Variants in TTC23 observed in about 807,000 individuals in gnomAD.
TTC23 encodes the protein tetratricopeptide repeat protein 23.
A neutral mutation model predicts 55.1 loss-of-function variants in TTC23; 58 were observed. The ratio of observed to expected loss-of-function variants is 1.05; its 90% CI spans 0.85 to 1.31. The LOEUF (loss-of-function observed/expected upper bound fraction) is 1.31, where lower values mean the gene tolerates loss of function less well. Among genes scored for constraint, TTC23 ranks in the 50% most tolerant of loss-of-function variants. The pLI is 0.00. For missense variants in TTC23, 516 were observed against 534.4 expected, an observed-to-expected ratio of 0.97 and a Z score of 0.34; for synonymous variants, 203 against 199.9, an observed-to-expected ratio of 1.02 and a Z score of -0.13.
At chr15:99,158,995 G>A (rs73482311) in intron 11 of TTC23, 5,400 of 152,406 alleles carry the variant, frequency 0.035, 335 homozygotes, top group African/African-American at 0.12. Context: ...CAACATGGGC[G>A]GTATCTACCT....
chr15:99,155,103 C>G (rs377625218), intron 12 of TTC23, among the ~76,000 whole-genome samples: 47 of 152,020 alleles, frequency 3.1e-4, no homozygotes, highest in African/African-American at 1.1e-3. Flanking sequence ...AAGAATTAAG[C>G]AATTAGCAGG....
At chr15:99,189,220 G>C (rs930731908) in intron 9 of TTC23, among the ~76,000 whole-genome samples, 8 of 152,062 alleles carry the variant, frequency 5.3e-5, no homozygotes, top group Non-Finnish European at 1.2e-4. Flanking sequence ...TGTGAAAAGA[G>C]CAAACATACT....
chr15:99,181,771 A>G lies in TTC23; in HGVS notation c.760-6616T>C, dbSNP rs552385305. ...AGCTGGTGAACCTTGGCTAAGAAAA[A>G]GACGGAGCTGGGAATCCCTGGGGGA... On this transcript the variant is annotated intron_variant, in intron 9 of 13. Transcript: ENST00000394132. Among the ~76,000 whole-genome samples, 17 of 152,286 alleles carry G rather than the reference A, an allele frequency of 1.1e-4. No homozygotes were observed. In the South Asian group the frequency reaches 3.3e-3, roughly 30 times the overall value.
At chr15:99,228,162 G>A (rs1489440820) in intron 5 of TTC23, among the ~76,000 whole-genome samples, 2 of 152,238 alleles carry the variant, frequency 1.3e-5, no homozygotes, top group Admixed American at 1.3e-4. Flanking sequence ...TACTGAATGA[G>A]TTAGTGAATG....
chr15:99,233,391 T>C (rs1365604742), intron 4 of TTC23, among the ~76,000 whole-genome samples: 1 of 152,190 alleles, frequency 6.6e-6, no homozygotes, highest in Non-Finnish European at 1.5e-5. Context: ...AATGAGAATA[T>C]TGTGAACACC....
rs574275521 is a variant in TTC23 at position 99,166,234 on chromosome 15, A to G, written c.866-4367T>C. Among the ~76,000 whole-genome samples, 4 of 152,210 alleles carry G rather than the reference A, an allele frequency of 2.6e-5. No homozygotes were observed. In the East Asian group the frequency reaches 7.7e-4, roughly 29 times the overall value. On this transcript the variant is annotated intron_variant, in intron 10 of 13. Transcript: ENST00000394132. The stretch of plus-strand genomic sequence containing the variant: ...ACGGGTGGACACAGCCGCACCTCAC[A>G]TCTTTCTAGTCCTCTTCTTTGTAAT...
intron 6 of TTC23, among the ~76,000 whole-genome samples, chr15:99,219,688 G>T (rs1374752099): frequency 6.6e-6 from 1 of 151,988 alleles, no homozygotes. Flanking sequence ...GTTCCTCCAC[G>T]GGCTTGTTAA....
At chr15:99,234,258 AT>A (rs1248398798) in intron 4 of TTC23, among the ~76,000 whole-genome samples, 1 of 152,236 alleles carries the variant, frequency 6.6e-6, no homozygotes, top group African/African-American at 2.4e-5. Flanking sequence ...AAATATTTTC[AT>A]AAACATGTAT....
chr15:99,153,116 T>C (rs1555497806), intron 12 of TTC23, among the ~76,000 whole-genome samples: 1 of 152,244 alleles, frequency 6.6e-6, no homozygotes, highest in African/African-American at 2.4e-5. Context: ...GCTCTTACTA[T>C]ATGGAGGTGA....
chr15:99,172,100 CT>C (rs1222746092), intron 10 of TTC23, among the ~76,000 whole-genome samples: 1 of 151,666 alleles, frequency 6.6e-6, no homozygotes, highest in Non-Finnish European at 1.5e-5. Context: ...TCACTGTAAC[CT>C]TTGCCTCCCA....
chr15:99,137,718 A>G lies in TTC23; in HGVS notation c.*292T>C. ...TGCACAGGGCGCACTGAACTGTTGA[A>G]GAGAAGTTTTTCAGCCACAGTAGTG... is the stretch of plus-strand genomic sequence containing the variant. On this transcript the variant is annotated 3_prime_UTR_variant, in exon 14 of 14. Transcript: ENST00000394132. 2.5e-6 allele frequency: 1 copy of G among 394,814 alleles called. No homozygotes were observed. The highest frequency in any genetic ancestry group is 7.2e-4 in the Middle Eastern group (1 of 1,380). The allele number at this position is 394,814 out of a possible 1,614,324, so 24.5% of individuals were successfully genotyped here.
intron 9 of TTC23, among the ~76,000 whole-genome samples, chr15:99,197,984 G>A (rs1256683832): frequency 6.6e-6 from 1 of 151,978 alleles, no homozygotes; most frequent in Non-Finnish European, 1.5e-5. Flanking sequence ...TGTTTTCCTG[G>A]CAGTCTTTCT....
At chr15:99,152,955 G>A (rs147859036) in intron 12 of TTC23, among the ~76,000 whole-genome samples, 99 of 151,914 alleles carry the variant, frequency 6.5e-4, no homozygotes, top group Admixed American at 2.4e-3. Flanking sequence ...GTGCCACCAT[G>A]CCCAGCTAAT....
At chr15:99,188,403 G>A (rs2074928049) in intron 9 of TTC23, among the ~76,000 whole-genome samples, 1 of 151,878 alleles carries the variant, frequency 6.6e-6, no homozygotes, top group South Asian at 2.1e-4. Flanking sequence ...ATTAAATAGT[G>A]GTAATGGTTA....
chr15:99,212,984 C>CAAAAAAA (rs1219150354), intron 8 of TTC23, among the ~76,000 whole-genome samples: 2 of 71,814 alleles, frequency 2.8e-5, no homozygotes, highest in African/African-American at 1.1e-4. Flanking sequence ...GACCCTATCT[C>CAAAAAAA]AAAAAAAAAA....
rs1277129530 is a variant in TTC23 at position 99,136,484 on chromosome 15, T to C, written c.*1526A>G. ...AGGTGCCAACAGTTTCATTTCCTGG[T>C]GAGGGCTCTCTTCCGGGCCTGCAGA... On this transcript the variant is annotated 3_prime_UTR_variant, in exon 14 of 14. Transcript: ENST00000394132. 1 of 152,270 alleles carries C rather than the reference T, an allele frequency of 6.6e-6. No homozygotes were observed. Among genetic ancestry groups the C allele is most frequent in the Non-Finnish European group, 1.5e-5 (1 of 68,082 alleles). 9.4% of individuals were successfully genotyped at this position (152,270 alleles called of 1,614,324 possible).
At chr15:99,238,718 G>A (rs541533550) in intron 3 of TTC23, among the ~76,000 whole-genome samples, 2 of 152,204 alleles carry the variant, frequency 1.3e-5, no homozygotes, top group African/African-American at 4.8e-5. Context: ...ATGCCATTGA[G>A]GAGGGTTATT....
chr15:99,177,336 G>A (rs1457818331), intron 9 of TTC23, among the ~76,000 whole-genome samples: 1 of 152,182 alleles, frequency 6.6e-6, no homozygotes, highest in East Asian at 1.9e-4. Flanking sequence ...TTGAATATGT[G>A]ATTTTGGCAA....
chr15:99,231,147 C>T (rs1302002587), intron 4 of TTC23, among the ~76,000 whole-genome samples: 1 of 152,012 alleles, frequency 6.6e-6, no homozygotes, highest in Non-Finnish European at 1.5e-5. Flanking sequence ...TGCTGCTAGC[C>T]ATATAAAAGT....
Sources: gnomAD v4.1 joint callset for allele counts (sites outside exome capture counted in the v4.1 genomes callset) on GRCh38, gnomAD v4.1.1 for gene constraint, MANE v1.5 for transcripts, NCBI Gene and HGNC (gene_info 2026-07-23, HGNC 2026-07-21) for gene names.